SIPA1L3: variants seen among roughly 807,000 people sequenced by gnomAD.
SIPA1L3 encodes the protein signal induced proliferation associated 1 like 3, also known as signal-induced proliferation-associated 1-like protein 3.
In SIPA1L3, 59 loss-of-function variants were observed where a neutral mutation model predicts 150.1. That is an observed-to-expected ratio of 0.39 (90% CI 0.32 to 0.49). The LOEUF is 0.49. SIPA1L3 is among the 20% of genes least tolerant of loss of function. SIPA1L3 has a pLI of 0.86. For synonymous variants in SIPA1L3, 1,070 were observed against 1,077.6 expected (o/e 0.99, Z 0.14); for missense variants, 2,211 against 2,489.5 (o/e 0.89, Z 2.38).
chr19:38,195,471 CAGGGCTGCCACTTT>C (rs1169629881), intron 18 of SIPA1L3, among the ~76,000 whole-genome samples: 1 of 152,144 alleles, frequency 6.6e-6, no homozygotes, highest in Admixed American at 6.5e-5. Context: ...CCTGCCCTCA[CAGGGCTGCCACTTT>C]AGTGGAAATT....
At chr19:38,019,091 C>T (rs937622547) in intron 1 of SIPA1L3, among the ~76,000 whole-genome samples, 1 of 152,200 alleles carries the variant, frequency 6.6e-6, no homozygotes, top group East Asian at 1.9e-4. Flanking sequence ...GTGTAAAATA[C>T]TGTCCCATCA....
At chr19:37,911,123 G>A (rs1043612218) in intron 1 of SIPA1L3, among the ~76,000 whole-genome samples, 4 of 152,184 alleles carry the variant, frequency 2.6e-5, no homozygotes, top group Non-Finnish European at 5.9e-5. Context: ...TATCTATTAA[G>A]TATCTATTGC....
At chr19:38,033,142 G>A (rs1258804491) in intron 2 of SIPA1L3, among the ~76,000 whole-genome samples, 2 of 152,208 alleles carry the variant, frequency 1.3e-5, no homozygotes, top group African/African-American at 2.4e-5. Flanking sequence ...CCAAGGGGCA[G>A]CCCTGCTCAG....
chr19:38,164,848 G>T lies in SIPA1L3; in HGVS notation c.4150G>T (p.Gly1384Cys), dbSNP rs762231890. ...CTACCGACCGAAGCTGTACTCCTCCGGCTCCAGCACCCCCACGGGACTGGC... is the reference window on the plus strand; with the variant it reads ...CTACCGACCGAAGCTGTACTCCTCCTGCTCCAGCACCCCCACGGGACTGGC... ...KGYRPKLYSS[G>C]SSTPTGLAGG... is the part of the protein sequence containing the mutation. Residue 1384 changes from glycine (G) to cysteine (C), a missense_variant, in exon 15 of 22, where the codon GGC (glycine) becomes TGC (cysteine). By Grantham distance (159) the Gly-to-Cys change is radical. Around this residue, in one of 5 missense-constraint regions of SIPA1L3, gnomAD observed 806 missense variants for 870.1 expected, o/e 0.93. Transcript: ENST00000222345. This position sits in a 1 kb window ranked among gnomAD's most constrained non-coding sequence, Gnocchi z 4.1. The T allele has an allele frequency of 6.3e-7, 1 of 1,593,212 alleles. No homozygotes were observed. The highest frequency in any genetic ancestry group is 8.6e-7 in the Non-Finnish European group (1 of 1,166,794).
chr19:38,201,504 T>C (rs1973086595), intron 19 of SIPA1L3, among the ~76,000 whole-genome samples: 1 of 152,232 alleles, frequency 6.6e-6, no homozygotes, highest in African/African-American at 2.4e-5. Flanking sequence ...CCTTTTTTCC[T>C]ACCTTTTACT....
Position 38,081,485 on chromosome 19 carries a change from G to A in SIPA1L3, c.-81G>A, listed in dbSNP as rs1969976891. The A allele has an allele frequency of 1.4e-6, 2 of 1,389,670 alleles. No individual in the cohort carries two copies. Among genetic ancestry groups the A allele is most frequent in the African/African-American group, 2.9e-5 (2 of 69,390 alleles). 86.1% of individuals were successfully genotyped at this position (1,389,670 alleles called of 1,614,324 possible). ...CCTTCATCCTGGGCCTGGCTGCCCTGAACAATGGCTGAGGGCTGGGGGACC... is the reference window on the plus strand; with the variant it reads ...CCTTCATCCTGGGCCTGGCTGCCCTAAACAATGGCTGAGGGCTGGGGGACC... On this transcript the variant is annotated 5_prime_UTR_variant, in exon 3 of 22. Coordinates refer to ENST00000222345, the MANE Select transcript of SIPA1L3 (RefSeq NM_015073.3).
At chr19:38,142,502 C>T (rs1364623012) in intron 11 of SIPA1L3, 71 bp from the exon 12 acceptor site, 12 of 1,492,534 alleles carry the variant, frequency 8.0e-6, no homozygotes, top group Non-Finnish European at 9.1e-6. Flanking sequence ...TCTGTCTGTC[C>T]GTCCATCCTC....
chr19:38,189,531 C>T (rs1189872809), intron 16 of SIPA1L3, among the ~76,000 whole-genome samples: 1 of 152,010 alleles, frequency 6.6e-6, no homozygotes, highest in African/African-American at 2.4e-5. Context: ...TTTGGGAGGC[C>T]GAGATGGGCG....
chr19:38,175,518 G>A (rs939022201), intron 15 of SIPA1L3, among the ~76,000 whole-genome samples: 1 of 152,134 alleles, frequency 6.6e-6, no homozygotes, highest in African/African-American at 2.4e-5. Context: ...ATGTCAAGCA[G>A]GTTAATGCAT....
At chr19:37,967,193 T>G (rs754144318) in intron 1 of SIPA1L3, among the ~76,000 whole-genome samples, 26 of 151,736 alleles carry the variant, frequency 1.7e-4, no homozygotes, top group South Asian at 8.3e-4. Flanking sequence ...AGCACCCTGA[T>G]CTCTGCCCTC....
chr19:38,067,376 G>A (rs1263449088), intron 2 of SIPA1L3, among the ~76,000 whole-genome samples: 2 of 152,194 alleles, frequency 1.3e-5, no homozygotes, highest in African/African-American at 4.8e-5. Flanking sequence ...GTAACAGCTG[G>A]ACGTGGCCTC....
intron 16 of SIPA1L3, among the ~76,000 whole-genome samples, chr19:38,183,783 AAGGCGGGGAGGTGCGG>A (rs372629721): frequency 6.6e-6 from 1 of 151,852 alleles, no homozygotes; most frequent in Non-Finnish European, 1.5e-5. Flanking sequence ...GAAGCCGGGG[AAGGCGGGGAGGTGCGG>A]AGGCGGAGAG....
chr19:38,099,674 A>G (rs1970457779), intron 4 of SIPA1L3, among the ~76,000 whole-genome samples: 1 of 152,058 alleles, frequency 6.6e-6, no homozygotes, highest in Admixed American at 6.6e-5. Context: ...AGTTTACATT[A>G]TTGTCTCATT....
intron 15 of SIPA1L3, among the ~76,000 whole-genome samples, chr19:38,171,466 C>T (rs1972326552): frequency 6.9e-6 from 1 of 145,618 alleles, no homozygotes; most frequent in South Asian, 2.2e-4. Flanking sequence ...AGTCTCAGCT[C>T]ACTGCAACCT....
chr19:38,106,058 G>A (rs1217387312), intron 6 of SIPA1L3, among the ~76,000 whole-genome samples: 1 of 151,964 alleles, frequency 6.6e-6, no homozygotes, highest in East Asian at 1.9e-4. Flanking sequence ...ATTTTTACCA[G>A]TCTGGTGGGT....
intron 9 of SIPA1L3, among the ~76,000 whole-genome samples, chr19:38,126,453 T>G (rs1971174748): frequency 6.6e-6 from 1 of 152,122 alleles, no homozygotes. Flanking sequence ...TCTTAAAACA[T>G]TATGACATTG....
chr19:38,182,759 AGCGAGGCGC>A lies in SIPA1L3; in HGVS notation c.4430+20_4430+28del. On this transcript the variant is annotated intron_variant, in intron 16 of 21. Transcript: ENST00000222345. ...CAAAGAAGTAAGTGCCTGGACGTCC[AGCGAGGCGC>A]CCGCCAGATCCACACCAGGGCGTCT... The A allele has an allele frequency of 6.3e-7, 1 of 1,592,626 alleles. No individual in the cohort carries two copies. Among genetic ancestry groups the A allele is most frequent in the South Asian group, 1.1e-5 (1 of 89,548 alleles).
At chr19:37,907,953 T>C (rs1026927378) in intron 1 of SIPA1L3, 7 of 152,208 alleles carry the variant, frequency 4.6e-5, no homozygotes, top group Non-Finnish European at 7.3e-5. Context: ...TTTGAACATT[T>C]ACCAGCTGTG....
At chr19:38,045,489 T>C (rs1257400268) in intron 2 of SIPA1L3, among the ~76,000 whole-genome samples, 1 of 151,770 alleles carries the variant, frequency 6.6e-6, no homozygotes, top group Non-Finnish European at 1.5e-5. Context: ...GGAGGATCGC[T>C]TGAGCCCGGG....
Sources: gnomAD v4.1 joint callset for allele counts (sites outside exome capture counted in the v4.1 genomes callset) on GRCh38, gnomAD v4.1.1 for gene constraint, gnomAD v4.1.1 regional missense constraint, Gnocchi (gnomAD v3.1) non-coding constraint, MANE v1.5 for transcripts, NCBI Gene and HGNC (gene_info 2026-07-23, HGNC 2026-07-21) for gene names.